The following ST3GAL4 variants were observed in gnomAD, a reference collection of about 807,000 sequenced individuals.
The protein encoded by ST3GAL4 is ST3 beta-galactoside alpha-2,3-sialyltransferase 4.
A neutral mutation model predicts 42.6 loss-of-function variants in ST3GAL4; 24 were observed. The observed-to-expected ratio is 0.56, with a 90% confidence interval of 0.41 to 0.79. ST3GAL4 has a LOEUF of 0.79. Ranked by LOEUF, ST3GAL4 falls within the 30% of genes least tolerant of loss-of-function variation. The pLI is 0.00. For missense variants in ST3GAL4, 311 were observed against 430.8 expected, an observed-to-expected ratio of 0.72 and a Z score of 2.46; for synonymous variants, 135 against 163.2, an observed-to-expected ratio of 0.83 and a Z score of 1.32.
chr11:126,367,614 AC>A (rs1224847368), intron 1 of ST3GAL4, among the ~76,000 whole-genome samples: 2 of 152,174 alleles, frequency 1.3e-5, no homozygotes, highest in Non-Finnish European at 2.9e-5. Flanking sequence ...GAGGCTCAGG[AC>A]ACCTCTGAGG....
At chr11:126,381,733 C>CTGGGG (rs1953012105) in intron 1 of ST3GAL4, among the ~76,000 whole-genome samples, 1 of 151,712 alleles carries the variant, frequency 6.6e-6, no homozygotes, top group African/African-American at 2.4e-5. Flanking sequence ...TGGGACCTGT[C>CTGGGG]TGGGGTGAGG....
chr11:126,400,876 A>G lies in ST3GAL4; in HGVS notation c.-60-5220A>G, dbSNP rs1251501055. Among the ~76,000 whole-genome samples, 1 of 152,146 alleles carries G rather than the reference A, an allele frequency of 6.6e-6. No homozygotes were observed. Among genetic ancestry groups the G allele is most frequent in the African/African-American group, 2.4e-5 (1 of 41,432 alleles). On this transcript the variant is annotated intron_variant, in intron 1 of 10. Coordinates refer to ENST00000444328, the MANE Select transcript of ST3GAL4 (RefSeq NM_001254757.2). This position sits in a 1 kb window ranked among gnomAD's most constrained non-coding sequence, Gnocchi z 4.6. ...CTGGGGCTGAGTTTTGTAAAATCCG[A>G]CATCCCCAGTTTCACCTATGATGCC...
chr11:126,370,796 C>T (rs1008850820), intron 1 of ST3GAL4, among the ~76,000 whole-genome samples: 4 of 151,982 alleles, frequency 2.6e-5, no homozygotes, highest in Admixed American at 2.6e-4. Context: ...CCTGCCTCAG[C>T]CTCCCGATTT....
At chr11:126,361,884 CTTTT>C (rs112227008) in intron 1 of ST3GAL4, among the ~76,000 whole-genome samples, 1 of 143,152 alleles carries the variant, frequency 7.0e-6, no homozygotes, top group Non-Finnish European at 1.5e-5. Flanking sequence ...ATTAACACTT[CTTTT>C]TTTTTTTTTT....
rs868508766 is a variant in ST3GAL4 at position 126,400,196 on chromosome 11, A to G, written c.-60-5900A>G. Among the ~76,000 whole-genome samples, 1 of 152,224 alleles carries G rather than the reference A, an allele frequency of 6.6e-6. No individual in the cohort carries two copies. Among genetic ancestry groups the G allele is most frequent in the Non-Finnish European group, 1.5e-5 (1 of 68,040 alleles). On this transcript the variant is annotated intron_variant, in intron 1 of 10. Transcript: ENST00000444328. This position sits in a 1 kb window ranked among gnomAD's most constrained non-coding sequence, Gnocchi z 4.6. Reference sequence around the variant, plus strand: ...TTGGCTCATGGTTCTGGAGGCTGGGAAGTCCAAGATCAAGGGGCTGCTCTG... The same window carrying G: ...TTGGCTCATGGTTCTGGAGGCTGGGGAGTCCAAGATCAAGGGGCTGCTCTG...
In ST3GAL4 at chr11:126,358,897, G is replaced by A. The variant is rs1432732479; in HGVS notation, c.-61+3055G>A. ...AGCAGGGAGGAGGTTGCTGCTGCTCGGGCTGAAGTGAGGTGTGGGTCTGGC... is the reference window on the plus strand; with the variant it reads ...AGCAGGGAGGAGGTTGCTGCTGCTCAGGCTGAAGTGAGGTGTGGGTCTGGC... On this transcript the variant is annotated intron_variant, in intron 1 of 10. Coordinates refer to ENST00000444328, the MANE Select transcript of ST3GAL4 (RefSeq NM_001254757.2). Among the ~76,000 whole-genome samples the A allele has an allele frequency of 3.9e-5, 6 of 152,296 alleles. No individual in the cohort carries two copies. In the East Asian group the frequency reaches 9.6e-4, roughly 24 times the overall value.
chr11:126,402,780 G>T (rs949117032), intron 1 of ST3GAL4, among the ~76,000 whole-genome samples: 1 of 152,158 alleles, frequency 6.6e-6, no homozygotes. Flanking sequence ...TCTTCACCTT[G>T]TCCCCCAGTT....
intron 1 of ST3GAL4, chr11:126,405,886 G>A (rs574066306): frequency 2.4e-5 from 15 of 617,186 alleles, no homozygotes; most frequent in South Asian, 4.0e-5. Context: ...TTTCCCTTCC[G>A]TGGCAGGGCT....
intron 9 of ST3GAL4, 173 bp from the exon 10 acceptor site, chr11:126,413,332 C>T (rs761836342): frequency 2.0e-5 from 12 of 592,478 alleles, no homozygotes; most frequent in Non-Finnish European, 3.1e-5. Flanking sequence ...AAATTCAGTT[C>T]CTCAGCTGCA....
intron 1 of ST3GAL4, among the ~76,000 whole-genome samples, chr11:126,380,259 C>CA (rs781686402): frequency 0.011 from 1,211 of 114,622 alleles, 13 homozygotes; most frequent in African/African-American, 0.017. Flanking sequence ...GAGACTGTAT[C>CA]AAAAAAAAAA....
intron 10 of ST3GAL4, 35 bp downstream of exon 10, chr11:126,413,683 G>T (rs938812996): frequency 6.2e-7 from 1 of 1,610,194 alleles, no homozygotes; most frequent in Non-Finnish European, 8.5e-7. Flanking sequence ...GTGGGCCAGG[G>T]CGTGGACGGG....
chr11:126,387,995 C>G (rs1244552936), intron 1 of ST3GAL4, among the ~76,000 whole-genome samples: 1 of 152,204 alleles, frequency 6.6e-6, no homozygotes, highest in East Asian at 1.9e-4. Flanking sequence ...ATAGTGTTTC[C>G]TTGTCTGTGA....
intron 1 of ST3GAL4, among the ~76,000 whole-genome samples, chr11:126,368,398 C>T (rs1463488370): frequency 6.6e-6 from 1 of 152,244 alleles, no homozygotes. Context: ...TCGCAGTCGG[C>T]CCTCAGGCCC....
intron 1 of ST3GAL4, among the ~76,000 whole-genome samples, chr11:126,382,078 C>G (rs1953026643): frequency 6.6e-6 from 1 of 152,160 alleles, no homozygotes; most frequent in Non-Finnish European, 1.5e-5. Flanking sequence ...CAGACGTTCT[C>G]TCCTGAGCAT....
intron 1 of ST3GAL4, among the ~76,000 whole-genome samples, chr11:126,382,670 G>A (rs767054911): frequency 3.9e-5 from 6 of 152,172 alleles, no homozygotes; most frequent in Non-Finnish European, 8.8e-5. Flanking sequence ...AGTTGATTTA[G>A]TGTCTCTGCC....
intron 1 of ST3GAL4, among the ~76,000 whole-genome samples, chr11:126,364,448 G>C (rs1241583918): frequency 7.1e-6 from 1 of 140,580 alleles, no homozygotes; most frequent in Non-Finnish European, 1.5e-5. Flanking sequence ...TCCAGCCACC[G>C]ACTTCTGCTT....
Position 126,376,402 on chromosome 11 carries a change from G to A in ST3GAL4, c.-61+20560G>A, listed in dbSNP as rs932129839. Among the ~76,000 whole-genome samples, 3 of 152,210 alleles carry A rather than the reference G, an allele frequency of 2.0e-5. No homozygotes were observed. Among genetic ancestry groups the A allele is most frequent in the African/African-American group, 7.2e-5 (3 of 41,446 alleles). ...TTTCAGAGGCAGGTGTTTGGAGAGT[G>A]AATGTAAAAGCAAAATGAAGAATTT... On this transcript the variant is annotated intron_variant, in intron 1 of 10. Transcript: ENST00000444328. The surrounding 1 kb of genome is among the most constrained non-coding windows in gnomAD (Gnocchi z 5.1).
In ST3GAL4 at chr11:126,379,650, G is replaced by A. The variant is rs1038179891; in HGVS notation, c.-61+23808G>A. 6.6e-6 allele frequency among the ~76,000 whole-genome samples: 1 copy of A among 152,042 alleles called. No individual in the cohort carries two copies. The highest frequency in any genetic ancestry group is 1.9e-4 in the East Asian group (1 of 5,152). On this transcript the variant is annotated intron_variant, in intron 1 of 10. Transcript: ENST00000444328. The surrounding 1 kb of genome is among the most constrained non-coding windows in gnomAD (Gnocchi z 4.2). ...CTGCCACCACACCTGGCTAATTTTT[G>A]TATTTTTAGTAGAGATGGGGTTTCA...
chr11:126,366,302 C>G lies in ST3GAL4; in HGVS notation c.-61+10460C>G, dbSNP rs1952423172. Among the ~76,000 whole-genome samples, 1 of 152,178 alleles carries G rather than the reference C, an allele frequency of 6.6e-6. No homozygotes were observed. The highest frequency in any genetic ancestry group is 2.4e-5 in the African/African-American group (1 of 41,450). ...CTGAGGAATGGAGGAAGAGAGTGCCCTGGCTGGGGGAGCCCCTCAAGCCCT... is the reference window on the plus strand; with the variant it reads ...CTGAGGAATGGAGGAAGAGAGTGCCGTGGCTGGGGGAGCCCCTCAAGCCCT... On this transcript the variant is annotated intron_variant, in intron 1 of 10. Transcript: ENST00000444328. This position sits in a 1 kb window ranked among gnomAD's most constrained non-coding sequence, Gnocchi z 4.2.
Sources: allele counts gnomAD v4.1 joint callset (sites outside exome capture counted in the v4.1 genomes callset), GRCh38; gene constraint gnomAD v4.1.1; non-coding constraint Gnocchi (gnomAD v3.1); transcripts MANE v1.5; gene names NCBI Gene and HGNC (gene_info 2026-07-23, HGNC 2026-07-21).